KCNH8: variants seen among roughly 807,000 people sequenced by gnomAD.
KCNH8 encodes the protein voltage-gated delayed rectifier potassium channel KCNH8.
KCNH8 carries 70 observed loss-of-function variants against 103.6 expected under a neutral mutation model. The observed-to-expected ratio is 0.68, with a 90% CI of 0.56 to 0.82. The LOEUF is 0.82. KCNH8 is among the 40% of genes least tolerant of loss of function. KCNH8 has a pLI of 0.00. For missense variants in KCNH8, 1,217 were observed against 1,329.9 expected, an observed-to-expected ratio of 0.92 and a Z score of 1.32; for synonymous variants, 498 against 489.4, an observed-to-expected ratio of 1.02 and a Z score of -0.23.
intron 3 of KCNH8, among the ~76,000 whole-genome samples, chr3:19,288,258 T>A (rs2064865458): frequency 6.7e-6 from 1 of 149,904 alleles, no homozygotes; most frequent in Non-Finnish European, 1.5e-5. Flanking sequence ...CTTTAACTTT[T>A]GGGGTACATG....
At chr3:19,321,283 A>G (rs958555530) in intron 3 of KCNH8, among the ~76,000 whole-genome samples, 32 of 151,314 alleles carry the variant, frequency 2.1e-4, no homozygotes, top group Non-Finnish European at 3.8e-4. Flanking sequence ...TAGATTGTCT[A>G]TTTTTGCTCT....
At chr3:19,394,531 C>T (rs927329680) in intron 6 of KCNH8, among the ~76,000 whole-genome samples, 2 of 151,974 alleles carry the variant, frequency 1.3e-5, no homozygotes, top group Non-Finnish European at 2.9e-5. Flanking sequence ...AATGTTTCCT[C>T]TGTCCATTGA....
chr3:19,258,947 C>CTCTCTCTCTA (rs1321918245), intron 2 of KCNH8, among the ~76,000 whole-genome samples: 11 of 24,796 alleles, frequency 4.4e-4, no homozygotes, highest in East Asian at 1.0e-3. Context: ...CTCTCTCTCT[C>CTCTCTCTCTA]TATATATATA....
chr3:19,212,514 A>C (rs1157341554), intron 1 of KCNH8, among the ~76,000 whole-genome samples: 1 of 152,278 alleles, frequency 6.6e-6, no homozygotes, highest in South Asian at 2.1e-4. Context: ...TTACTTGGCC[A>C]TTTACTGACT....
At chr3:19,413,617 C>T (rs969343990) in intron 7 of KCNH8, among the ~76,000 whole-genome samples, 13 of 151,994 alleles carry the variant, frequency 8.6e-5, no homozygotes, top group Admixed American at 2.6e-4. Flanking sequence ...GAAGACACAA[C>T]GAGAAAATAG....
chr3:19,148,655 C>T lies in KCNH8; in HGVS notation c.-65C>T, dbSNP rs1007471759. ...TCAGGTTCCCCTTCTCCCTTCTTGG[C>T]ACTTTCCTTTCGAACCATCCTTCTG... On this transcript the variant is annotated 5_prime_UTR_variant, in exon 1 of 16. Transcript: ENST00000328405. The T allele has an allele frequency of 2.0e-6, 3 of 1,511,788 alleles. No homozygotes were observed. The highest frequency in any genetic ancestry group is 2.8e-6 in the Non-Finnish European group (3 of 1,086,128). The allele number at this position is 1,511,788 out of a possible 1,614,324, so 93.6% of individuals were successfully genotyped here. A position where few individuals can be genotyped will look rare whatever the true frequency, so the allele number is the denominator to read the frequency against.
At chr3:19,506,391 CTCTTG>C (rs775727108) in intron 11 of KCNH8, among the ~76,000 whole-genome samples, 52 of 152,262 alleles carry the variant, frequency 3.4e-4, no homozygotes, top group Non-Finnish European at 6.5e-4. Flanking sequence ...TTTAGCTGAG[CTCTTG>C]TCTTTGGTTT....
intron 10 of KCNH8, among the ~76,000 whole-genome samples, chr3:19,453,941 T>C (rs1007771258): frequency 3.3e-5 from 5 of 152,170 alleles, no homozygotes; most frequent in Admixed American, 1.3e-4. Context: ...CACAGCTTCA[T>C]GTTGACTTGT....
At chr3:19,440,351 A>G (rs150640029) in intron 8 of KCNH8, among the ~76,000 whole-genome samples, 272 of 152,314 alleles carry the variant, frequency 1.8e-3, no homozygotes, top group African/African-American at 5.6e-3. Context: ...TAATTCTCAC[A>G]CTGCTAATGA....
chr3:19,231,233 A>G (rs1310478683), intron 1 of KCNH8, among the ~76,000 whole-genome samples: 1 of 152,126 alleles, frequency 6.6e-6, no homozygotes, highest in East Asian at 1.9e-4. Flanking sequence ...CTATGATAAC[A>G]CTGATTAAAA....
chr3:19,414,154 G>GT (rs1406486495), intron 7 of KCNH8, among the ~76,000 whole-genome samples: 3 of 151,980 alleles, frequency 2.0e-5, no homozygotes, highest in African/African-American at 7.2e-5. Context: ...GCTTTAAAAC[G>GT]TAACAGTCAC....
intron 2 of KCNH8, among the ~76,000 whole-genome samples, chr3:19,272,631 T>TGCTTCTA (rs2064605130): frequency 6.6e-6 from 1 of 152,120 alleles, no homozygotes; most frequent in Non-Finnish European, 1.5e-5. Context: ...GGTCTTCTCA[T>TGCTTCTA]AGTTTGCTTC....
chr3:19,345,001 G>A (rs1361904858), intron 4 of KCNH8, among the ~76,000 whole-genome samples: 2 of 152,020 alleles, frequency 1.3e-5, no homozygotes, highest in African/African-American at 2.4e-5. Flanking sequence ...CAGTTCTGTG[G>A]AACAGGAATA....
At chr3:19,285,278 G>T (rs879855848) in intron 3 of KCNH8, among the ~76,000 whole-genome samples, 1 of 151,784 alleles carries the variant, frequency 6.6e-6, no homozygotes, top group East Asian at 1.9e-4. Context: ...CATTGCATTC[G>T]CATTTGGAGA....
At position 19,148,534 on chromosome 3, in the gene KCNH8, G is replaced by C; in HGVS notation, c.-186G>C. 3.2e-6 allele frequency: 2 copies of C among 618,078 alleles called. No homozygotes were observed. The highest frequency in any genetic ancestry group is 5.8e-6 in the Non-Finnish European group (2 of 345,366). The allele number at this position is 618,078 out of a possible 1,614,324, so 38.3% of individuals were successfully genotyped here. A position where few individuals can be genotyped will look rare whatever the true frequency, so the allele number is the denominator to read the frequency against. ...CGCTCTTGGGGCTCCTCCTGCCACAGCCGGGGCGGCTGGAACTCTCTCCCT... is the reference window on the plus strand; with the variant it reads ...CGCTCTTGGGGCTCCTCCTGCCACACCCGGGGCGGCTGGAACTCTCTCCCT... On this transcript the variant is annotated 5_prime_UTR_variant, in exon 1 of 16. Transcript: ENST00000328405.
chr3:19,325,775 G>A (rs2065414676), intron 3 of KCNH8, among the ~76,000 whole-genome samples: 1 of 152,108 alleles, frequency 6.6e-6, no homozygotes, highest in Admixed American at 6.5e-5. Context: ...AGACAGTTTG[G>A]CAATTCCTCA....
intron 2 of KCNH8, among the ~76,000 whole-genome samples, chr3:19,268,779 A>G (rs1236071838): frequency 6.6e-6 from 1 of 152,222 alleles, no homozygotes; most frequent in East Asian, 1.9e-4. Context: ...CAGTGTTTTC[A>G]CAAGCACTCC....
At chr3:19,206,823 C>A (rs1383801815) in intron 1 of KCNH8, among the ~76,000 whole-genome samples, 1 of 151,856 alleles carries the variant, frequency 6.6e-6, no homozygotes, top group Admixed American at 6.6e-5. Context: ...GAAATCAGAA[C>A]CAAATGCAGA....
intron 11 of KCNH8, among the ~76,000 whole-genome samples, chr3:19,483,101 G>A (rs935254711): frequency 8.6e-5 from 13 of 151,988 alleles, no homozygotes; most frequent in Admixed American, 7.9e-4. Flanking sequence ...AGGGAAGCTA[G>A]GAGTTTGCCT....
Sources: gnomAD v4.1 joint callset for allele counts (sites outside exome capture counted in the v4.1 genomes callset) on GRCh38, gnomAD v4.1.1 for gene constraint, MANE v1.5 for transcripts, NCBI Gene and HGNC (gene_info 2026-07-23, HGNC 2026-07-21) for gene names.